EPS8: variants seen among roughly 807,000 people sequenced by gnomAD.
The protein encoded by EPS8 is epidermal growth factor receptor kinase substrate 8.
Under a neutral mutation model 103.8 loss-of-function variants are expected in EPS8, and 42 were observed. That is an observed-to-expected ratio of 0.40 (90% CI 0.32 to 0.52). The LOEUF (loss-of-function observed/expected upper bound fraction) is 0.52, where lower values mean the gene tolerates loss of function less well. Ranked by LOEUF, EPS8 falls within the 20% of genes least tolerant of loss-of-function variation. The pLI is 0.40. For missense variants in EPS8, 969 were observed against 1,005.1 expected (o/e 0.96, Z 0.49); for synonymous variants, 344 against 344.6 (o/e 1.00, Z 0.02).
At chr12:15,683,977 T>C (rs1366299924) in intron 1 of EPS8, 2 of 152,134 alleles carry the variant, frequency 1.3e-5, no homozygotes, top group Non-Finnish European at 2.9e-5. Context: ...CAAATATTGA[T>C]TATTAAGTTT....
intron 12 of EPS8, 141 bp from the exon 13 acceptor site, chr12:15,654,434 G>A (rs949838196): frequency 1.0e-4 from 75 of 714,434 alleles, no homozygotes; most frequent in Non-Finnish European, 1.5e-4. Context: ...ATGTGCTACT[G>A]AATGAAGAAA....
Position 15,654,187 on chromosome 12 carries a change from C to T in EPS8, c.1208G>A (p.Arg403Gln), listed in dbSNP as rs765146644. 2.2e-5 allele frequency: 36 copies of T among 1,613,790 alleles called. No individual in the cohort carries two copies. The highest frequency in any genetic ancestry group is 1.6e-4 in the Middle Eastern group (1 of 6,062). The change falls in exon 13 of 21, where the codon CGG becomes CAG. Residue 403 changes from arginine to glutamine, a missense_variant. By Grantham distance (43) the Arg-to-Gln change is conservative (BLOSUM62 1). Coordinates refer to ENST00000281172, the MANE Select transcript of EPS8 (RefSeq NM_004447.6). ...TCCTCCCAATGACATCCACAGCTGCCGTTCATCACCATTGACAGTATAATT... is the reference window on the plus strand; with the variant it reads ...TCCTCCCAATGACATCCACAGCTGCTGTTCATCACCATTGACAGTATAATT... The part of the protein sequence containing the change: ...FLNYTVNGDE[R>Q]QLWMSLGGTW...
At chr12:15,626,890 T>C (rs188160417) in intron 18 of EPS8, among the ~76,000 whole-genome samples, 2 of 152,254 alleles carry the variant, frequency 1.3e-5, no homozygotes, top group Admixed American at 1.3e-4. Flanking sequence ...CCCACCTTTC[T>C]ATTTCCCCTG....
At position 15,696,167 on chromosome 12, in the gene EPS8, G is replaced by A. The variant is rs1222704339; in HGVS notation, c.-21-13195C>T. On this transcript the variant is annotated intron_variant, in intron 1 of 20. Transcript: ENST00000281172. This position sits in a 1 kb window ranked among gnomAD's most constrained non-coding sequence, Gnocchi z 4.8. ...TGTTTTTAATGTTTCAAGACAAGGT[G>A]AAACAGTACTCTGTTGACAAAAAAT... Among the ~76,000 whole-genome samples the A allele has an allele frequency of 1.3e-5, 2 of 152,130 alleles. No individual in the cohort carries two copies. Among genetic ancestry groups the A allele is most frequent in the East Asian group, 1.9e-4 (1 of 5,194 alleles).
At chr12:15,723,946 C>T (rs1946625536) in intron 1 of EPS8, among the ~76,000 whole-genome samples, 2 of 152,096 alleles carry the variant, frequency 1.3e-5, no homozygotes, top group African/African-American at 2.4e-5. Flanking sequence ...TATACTAGTA[C>T]AAAAGCATCA....
At chr12:15,775,711 C>T (rs1263295531) in intron 1 of EPS8, among the ~76,000 whole-genome samples, 1 of 152,170 alleles carries the variant, frequency 6.6e-6, no homozygotes, top group Non-Finnish European at 1.5e-5. Context: ...AGGTGTCTAA[C>T]ATCACGCAGT....
intron 8 of EPS8, among the ~76,000 whole-genome samples, chr12:15,663,194 A>G (rs2135823077): frequency 6.6e-6 from 1 of 152,208 alleles, no homozygotes; most frequent in South Asian, 2.1e-4. Flanking sequence ...TGAAATAGCT[A>G]TTAGGAACTC....
intron 12 of EPS8, 133 bp downstream of exon 12, chr12:15,657,946 A>T: frequency 1.6e-6 from 1 of 638,898 alleles, no homozygotes; most frequent in South Asian, 1.7e-5. Context: ...TACATTCTTG[A>T]TGTTTACACA....
chr12:15,701,803 GGAA>G lies in EPS8; in HGVS notation c.-21-18834_-21-18832del, dbSNP rs1175905985. ...TACTGCCCTGGACACGGCCCTTAGG[GGAA>G]GAAAAATAACATAACATTTCCTTCT... is the stretch of plus-strand genomic sequence containing the variant. On this transcript the variant is annotated intron_variant, in intron 1 of 20. Coordinates refer to ENST00000281172, the MANE Select transcript of EPS8 (RefSeq NM_004447.6). This position sits in a 1 kb window ranked among gnomAD's most constrained non-coding sequence, Gnocchi z 5.1. Among the ~76,000 whole-genome samples, 2 of 152,098 alleles carry G rather than the reference GGAA, an allele frequency of 1.3e-5. No homozygotes were observed. The highest frequency in any genetic ancestry group is 2.9e-5 in the Non-Finnish European group (2 of 68,024).
Position 15,738,732 on chromosome 12 carries a change from A to G in EPS8, c.-22+50429T>C, listed in dbSNP as rs1946790465. On this transcript the variant is annotated intron_variant, in intron 1 of 20. Transcript: ENST00000281172. The surrounding 1 kb of genome is among the most constrained non-coding windows in gnomAD (Gnocchi z 6.2). ...TGGAATATAAACTACAAAAGGACAC[A>G]GGCCAACTTGGTTTTTTTTTTGTAA... Among the ~76,000 whole-genome samples, 1 of 151,522 alleles carries G rather than the reference A, an allele frequency of 6.6e-6. No homozygotes were observed. Among genetic ancestry groups the G allele is most frequent in the Admixed American group, 6.6e-5 (1 of 15,238 alleles).
intron 14 of EPS8, among the ~76,000 whole-genome samples, 170 bp downstream of exon 14, chr12:15,650,653 C>T (rs1306790670): frequency 1.3e-5 from 2 of 151,852 alleles, no homozygotes; most frequent in Admixed American, 1.3e-4. Flanking sequence ...GCAACTGTCA[C>T]AAAAAATGAC....
chr12:15,650,893 T>C lies in EPS8; in HGVS notation c.1364A>G (p.Gln455Arg), dbSNP rs1266742712. Residue 455 changes from glutamine to arginine, a missense_variant, in exon 14 of 21, where the codon CAA (glutamine) becomes CGA (arginine). Gln to Arg is a conservative substitution (Grantham distance 43, BLOSUM62 1). Transcript: ENST00000281172. ...TACATTTGCCACAGATTCTGCCAGT[T>C]GATAAAGATCTTGTTCCATTGTGGC... ...MGATMEQDLY[Q>R]LAESVANVAE... The C allele has an allele frequency of 6.2e-7, 1 of 1,614,168 alleles. No individual in the cohort carries two copies. The highest frequency in any genetic ancestry group is 8.5e-7 in the Non-Finnish European group (1 of 1,180,002).
intron 2 of EPS8, among the ~76,000 whole-genome samples, chr12:15,682,040 A>C (rs1946017921): frequency 1.3e-5 from 2 of 152,170 alleles, no homozygotes; most frequent in South Asian, 4.1e-4. Context: ...CTAACTCTTC[A>C]TCAACATATC....
intron 17 of EPS8, among the ~76,000 whole-genome samples, chr12:15,635,511 C>A (rs142401483): frequency 1.1e-4 from 16 of 152,110 alleles, no homozygotes; most frequent in African/African-American, 3.9e-4. Flanking sequence ...TTGGTAAAAT[C>A]GTCACTCTAT....
intron 1 of EPS8, among the ~76,000 whole-genome samples, chr12:15,775,111 C>T (rs1463557465): frequency 2.0e-5 from 3 of 152,090 alleles, no homozygotes; most frequent in Non-Finnish European, 4.4e-5. Flanking sequence ...TCCACATTTT[C>T]CTTGCTTGCA....
Position 15,623,294 on chromosome 12 carries a change from A to C in EPS8, c.2226-7T>G, listed in dbSNP as rs778481672. ...TCCAAGACTATTGACAGTCCTAAAA[A>C]AAAAAAAAGGAAAAAGAAACTGAGC... On this transcript the variant is annotated splice_polypyrimidine_tract_variant and splice_region_variant and intron_variant, in intron 19 of 20. Transcript: ENST00000281172. The C allele has an allele frequency of 1.9e-6, 3 of 1,578,816 alleles. No individual in the cohort carries two copies. In the East Asian group the frequency reaches 6.7e-5, roughly 35 times the overall value.
Position 15,738,877 on chromosome 12 carries a change from A to T in EPS8, c.-22+50284T>A, listed in dbSNP as rs1430752140. Among the ~76,000 whole-genome samples the T allele has an allele frequency of 1.3e-5, 2 of 152,182 alleles. No homozygotes were observed. The highest frequency in any genetic ancestry group is 4.8e-5 in the African/African-American group (2 of 41,440). ...ATTAAATCATTAAGCGTGCCACGTT[A>T]AACAGTCCATGGTGGAGCTAAATCT... On this transcript the variant is annotated intron_variant, in intron 1 of 20. Coordinates refer to ENST00000281172, the MANE Select transcript of EPS8 (RefSeq NM_004447.6). This position sits in a 1 kb window ranked among gnomAD's most constrained non-coding sequence, Gnocchi z 6.2.
In EPS8 at chr12:15,704,445, G is replaced by A. The variant is rs1384921165; in HGVS notation, c.-21-21473C>T. Among the ~76,000 whole-genome samples the A allele has an allele frequency of 6.6e-6, 1 of 152,134 alleles. No individual in the cohort carries two copies. Among genetic ancestry groups the A allele is most frequent in the Admixed American group, 6.5e-5 (1 of 15,288 alleles). ...TACTACAACATGGATGAACCCTGAA[G>A]CCATTACACTAAGTAAAATAAGCCA... On this transcript the variant is annotated intron_variant, in intron 1 of 20. Coordinates refer to ENST00000281172, the MANE Select transcript of EPS8 (RefSeq NM_004447.6). The surrounding 1 kb of genome is among the most constrained non-coding windows in gnomAD (Gnocchi z 4.6).
rs1411171044 is a variant in EPS8 at position 15,684,405 on chromosome 12, G to T, written c.-21-1433C>A. ...TTTTCCTTTACTTAAATTAATACCT[G>T]ACTCTTCACTAAACTCTTAGCCCCC... On this transcript the variant is annotated intron_variant, in intron 1 of 20. Coordinates refer to ENST00000281172, the MANE Select transcript of EPS8 (RefSeq NM_004447.6). The surrounding 1 kb of genome is among the most constrained non-coding windows in gnomAD (Gnocchi z 4.9). The T allele has an allele frequency of 6.6e-6, 1 of 151,974 alleles. No individual in the cohort carries two copies. Among genetic ancestry groups the T allele is most frequent in the Non-Finnish European group, 1.5e-5 (1 of 67,998 alleles). The allele number at this position is 151,974 out of a possible 1,614,324, so 9.4% of individuals were successfully genotyped here. A position where few individuals can be genotyped will look rare whatever the true frequency, so the allele number is the denominator to read the frequency against.
Sources: allele counts gnomAD v4.1 joint callset (sites outside exome capture counted in the v4.1 genomes callset), GRCh38; gene constraint gnomAD v4.1.1; non-coding constraint Gnocchi (gnomAD v3.1); transcripts MANE v1.5; gene names NCBI Gene and HGNC (gene_info 2026-07-23, HGNC 2026-07-21).